The following GRID2 variants were observed in gnomAD, a reference collection of about 807,000 sequenced individuals.
The protein encoded by GRID2 is glutamate receptor ionotropic, delta-2.
A neutral mutation model predicts 114.8 loss-of-function variants in GRID2; 33 were observed. The observed-to-expected ratio is 0.29, with a 90% CI of 0.22 to 0.38. GRID2 has a LOEUF of 0.38. Ranked by LOEUF, GRID2 falls within the 10% of genes least tolerant of loss-of-function variation. The pLI, the probability that GRID2 is intolerant of heterozygous loss-of-function variation, is 1.00. For synonymous variants in GRID2, 505 were observed against 449.9 expected, an observed-to-expected ratio of 1.12 and a Z score of -1.55; for missense variants, 1,184 against 1,257.7, an observed-to-expected ratio of 0.94 and a Z score of 0.89.
At chr4:92,354,342 A>G (rs1465758086) in intron 1 of GRID2, among the ~76,000 whole-genome samples, 1 of 151,840 alleles carries the variant, frequency 6.6e-6, no homozygotes, top group African/African-American at 2.4e-5. Flanking sequence ...TTTGGTTTTG[A>G]TAGTTTCTGC....
At chr4:92,444,330 C>T (rs879001047) in intron 1 of GRID2, among the ~76,000 whole-genome samples, 51 of 151,054 alleles carry the variant, frequency 3.4e-4, no homozygotes, top group African/African-American at 1.0e-3. Flanking sequence ...AGGGTGGGGC[C>T]GTTTTATAGG....
intron 2 of GRID2, among the ~76,000 whole-genome samples, chr4:92,814,736 G>T (rs1191951249): frequency 6.6e-6 from 1 of 152,102 alleles, no homozygotes; most frequent in East Asian, 1.9e-4. Context: ...AACTTAAGGG[G>T]GTGTGGAAGA....
chr4:92,994,333 GTTA>G (rs1376662099), intron 2 of GRID2, among the ~76,000 whole-genome samples: 1 of 151,922 alleles, frequency 6.6e-6, no homozygotes, highest in Non-Finnish European at 1.5e-5. Context: ...CGCACTTTAA[GTTA>G]TTGTTTTTGT....
chr4:92,544,978 G>A (rs541786691), intron 1 of GRID2, among the ~76,000 whole-genome samples: 11 of 151,666 alleles, frequency 7.3e-5, no homozygotes, highest in South Asian at 4.2e-4. Flanking sequence ...TATGGCACCC[G>A]AGAAATACAT....
chr4:93,331,131 C>G (rs566202987), intron 8 of GRID2, among the ~76,000 whole-genome samples: 1 of 146,836 alleles, frequency 6.8e-6, no homozygotes, highest in East Asian at 2.0e-4. Flanking sequence ...ATCTAACCCC[C>G]CCCCCATTTC....
intron 2 of GRID2, among the ~76,000 whole-genome samples, chr4:92,716,377 A>G (rs1735552452): frequency 6.6e-6 from 1 of 152,218 alleles, no homozygotes; most frequent in Non-Finnish European, 1.5e-5. Flanking sequence ...AATACTGTGC[A>G]TTAATGCAAA....
chr4:93,363,105 A>G (rs1466747908), intron 8 of GRID2, among the ~76,000 whole-genome samples: 3 of 152,152 alleles, frequency 2.0e-5, no homozygotes, highest in Non-Finnish European at 4.4e-5. Context: ...CTGTAATCTC[A>G]GGTACTCAGG....
intron 2 of GRID2, among the ~76,000 whole-genome samples, chr4:92,628,242 C>T (rs79564302): frequency 6.6e-6 from 1 of 152,264 alleles, no homozygotes; most frequent in Non-Finnish European, 1.5e-5. Flanking sequence ...CACGGAGCAG[C>T]TCCCACTTAT....
intron 9 of GRID2, among the ~76,000 whole-genome samples, chr4:93,406,910 G>A (rs1403938414): frequency 2.0e-5 from 3 of 151,988 alleles, no homozygotes; most frequent in Non-Finnish European, 4.4e-5. Context: ...GGTAAACGAC[G>A]AAAAAACGTC....
At chr4:93,209,340 A>T (rs1214960844) in intron 5 of GRID2, among the ~76,000 whole-genome samples, 1 of 152,124 alleles carries the variant, frequency 6.6e-6, no homozygotes, top group Non-Finnish European at 1.5e-5. Flanking sequence ...ATAAGTGAGA[A>T]CATGAGGTAT....
intron 14 of GRID2, among the ~76,000 whole-genome samples, chr4:93,701,830 A>G (rs1169345798): frequency 1.3e-5 from 2 of 152,062 alleles, no homozygotes; most frequent in Admixed American, 6.6e-5. Context: ...CTCTAAAAAT[A>G]CATATATATT....
At chr4:92,507,386 C>G (rs577126543) in intron 1 of GRID2, among the ~76,000 whole-genome samples, 49 of 150,008 alleles carry the variant, frequency 3.3e-4, no homozygotes, top group Non-Finnish European at 6.1e-4. Flanking sequence ...GCCTACTCCA[C>G]TGCTACTAAT....
At chr4:92,947,874 A>C (rs1455674709) in intron 2 of GRID2, among the ~76,000 whole-genome samples, 1 of 151,932 alleles carries the variant, frequency 6.6e-6, no homozygotes, top group Non-Finnish European at 1.5e-5. Flanking sequence ...GTGATAATAA[A>C]ATGAATCCTA....
chr4:93,590,660 C>A (rs1285900906), intron 13 of GRID2, among the ~76,000 whole-genome samples: 2 of 152,148 alleles, frequency 1.3e-5, no homozygotes, highest in African/African-American at 2.4e-5. Context: ...TGGCCATTTT[C>A]ACGATATTGA....
At chr4:92,835,362 G>T (rs755328151) in intron 2 of GRID2, among the ~76,000 whole-genome samples, 1 of 152,064 alleles carries the variant, frequency 6.6e-6, no homozygotes, top group Non-Finnish European at 1.5e-5. Flanking sequence ...AGTCAGATAA[G>T]CTAAAAGTAG....
intron 2 of GRID2, among the ~76,000 whole-genome samples, chr4:93,057,998 T>A (rs185103390): frequency 4.0e-5 from 6 of 151,244 alleles, no homozygotes; most frequent in African/African-American, 1.5e-4. Context: ...CAGACTTTAC[T>A]GACTTTTTTT....
At position 92,304,602 on chromosome 4, in the gene GRID2, A is replaced by C; in HGVS notation, c.-55A>C. 1.2e-6 allele frequency: 1 copy of C among 822,796 alleles called. No homozygotes were observed. The highest frequency in any genetic ancestry group is 1.8e-6 in the Non-Finnish European group (1 of 548,352). The allele number at this position is 822,796 out of a possible 1,614,324, so 51.0% of individuals were successfully genotyped here. A position where few individuals can be genotyped will look rare whatever the true frequency, so the allele number is the denominator to read the frequency against. ...GACCTCAAACTCTTTGGACTGTTTG[A>C]AAAAAAAAAAATTGGAAGAAAATCC... On this transcript the variant is annotated 5_prime_UTR_variant, in exon 1 of 16. Transcript: ENST00000282020.
chr4:92,568,295 T>A (rs1057396247), intron 1 of GRID2, among the ~76,000 whole-genome samples: 3 of 152,014 alleles, frequency 2.0e-5, no homozygotes, highest in Non-Finnish European at 4.4e-5. Context: ...AAGTGTCTGA[T>A]TATAGAAGAC....
At chr4:93,078,442 A>T (rs1304038396) in intron 2 of GRID2, among the ~76,000 whole-genome samples, 1 of 151,584 alleles carries the variant, frequency 6.6e-6, no homozygotes, top group East Asian at 1.9e-4. Flanking sequence ...GCCATTTTGC[A>T]CCCTGAGTAC....
Sources: allele counts gnomAD v4.1 joint callset (sites outside exome capture counted in the v4.1 genomes callset), GRCh38; gene constraint gnomAD v4.1.1; transcripts MANE v1.5; gene names NCBI Gene and HGNC (gene_info 2026-07-23, HGNC 2026-07-21).